ZNF558: variants seen among roughly 807,000 people sequenced by gnomAD.
ZNF558 encodes zinc finger protein 558.
ZNF558 carries 23 observed loss-of-function variants against 37.6 expected under a neutral mutation model. The ratio of observed to expected loss-of-function variants is 0.61; its 90% confidence interval spans 0.44 to 0.87. The LOEUF (loss-of-function observed/expected upper bound fraction) is 0.87, where lower values mean the gene tolerates loss of function less well. Among genes scored for constraint, ZNF558 ranks in the 40% least tolerant of loss-of-function variants. The pLI is 0.00. For missense variants in ZNF558, 429 were observed against 483.7 expected, an observed-to-expected ratio of 0.89 and a Z score of 1.06; for synonymous variants, 189 against 174.4, an observed-to-expected ratio of 1.08 and a Z score of -0.66.
upstream of ZNF558, among the ~76,000 whole-genome samples, chr19:8,833,709 T>C (rs1411923262): frequency 1.3e-5 from 2 of 152,152 alleles, no homozygotes; most frequent in South Asian, 2.1e-4. Context: ...TAAGTGCTGG[T>C]TGGACCTGGT....
chr19:8,809,364 C>T lies in ZNF558; in HGVS notation c.*1917G>A, dbSNP rs1323773525. The T allele has an allele frequency of 3.3e-5, 5 of 152,158 alleles. No individual in the cohort carries two copies. Among genetic ancestry groups the T allele is most frequent in the Admixed American group, 2.0e-4 (3 of 15,262 alleles). 9.4% of individuals were successfully genotyped at this position (152,158 alleles called of 1,614,324 possible). On this transcript the variant is annotated 3_prime_UTR_variant, in exon 10 of 10. Transcript: ENST00000601372. ...ATTGCCAGGGGAGTGCGAAAAAACCCGCCTGGGCTTCAGGAAAAACTATAA... is the reference window on the plus strand; with the variant it reads ...ATTGCCAGGGGAGTGCGAAAAAACCTGCCTGGGCTTCAGGAAAAACTATAA...
upstream of ZNF558, among the ~76,000 whole-genome samples, chr19:8,837,091 C>T (rs901440809): frequency 6.6e-6 from 1 of 152,100 alleles, no homozygotes; most frequent in Non-Finnish European, 1.5e-5. Flanking sequence ...TTTTAAATGG[C>T]CAGTTTGTCA....
chr19:8,828,545 T>C (rs945711815), intron 2 of ZNF558, among the ~76,000 whole-genome samples: 7 of 152,240 alleles, frequency 4.6e-5, no homozygotes, highest in African/African-American at 1.4e-4. Flanking sequence ...AATCTACCTA[T>C]GACAAGCTCC....
upstream of ZNF558, among the ~76,000 whole-genome samples, chr19:8,835,831 T>C (rs969628789): frequency 2.0e-5 from 3 of 152,256 alleles, no homozygotes; most frequent in Non-Finnish European, 4.4e-5. Context: ...CACAACGGAT[T>C]ATTATTCATC....
chr19:8,809,597 C>T lies in ZNF558; in HGVS notation c.*1684G>A, dbSNP rs782321706. 3.3e-5 allele frequency: 5 copies of T among 152,076 alleles called. No homozygotes were observed. Among genetic ancestry groups the T allele is most frequent in the Non-Finnish European group, 5.9e-5 (4 of 68,020 alleles). The allele number at this position is 152,076 out of a possible 1,614,324, so 9.4% of individuals were successfully genotyped here. A position where few individuals can be genotyped will look rare whatever the true frequency, so the allele number is the denominator to read the frequency against. On this transcript the variant is annotated 3_prime_UTR_variant, in exon 10 of 10. Coordinates refer to ENST00000601372, the MANE Select transcript of ZNF558 (RefSeq NM_144693.3). ...AAAATGTGTTTATAAATACTAATTT[C>T]CATTATGATAAACTGAATCACTCAG...
intron 2 of ZNF558, among the ~76,000 whole-genome samples, chr19:8,827,093 C>T (rs2044249238): frequency 6.6e-6 from 1 of 150,630 alleles, no homozygotes; most frequent in Non-Finnish European, 1.5e-5. Flanking sequence ...AGTCCCTATT[C>T]AAGGCTGTCT....
intron 4 of ZNF558, among the ~76,000 whole-genome samples, chr19:8,823,198 C>T (rs1020604746): frequency 6.6e-6 from 1 of 152,044 alleles, no homozygotes; most frequent in African/African-American, 2.4e-5. Flanking sequence ...CCTTGGTCAT[C>T]ACCGGGCACT....
At chr19:8,832,529 T>C (rs970732437), upstream of ZNF558, 1 of 153,058 alleles carries the variant, frequency 6.5e-6, no homozygotes, top group African/African-American at 2.4e-5. Flanking sequence ...GGGGGTAAGG[T>C]TGGCCCTGGG....
chr19:8,832,827 TTGTGACAGCCCTGGAGGTTGGGGCTGGC>T, upstream of ZNF558, among the ~76,000 whole-genome samples: 1 of 150,556 alleles, frequency 6.6e-6, no homozygotes, highest in South Asian at 2.1e-4. Flanking sequence ...CAGGCTGTGG[TTGTGACAGCCCTGGAGGTTGGGGCTGGC>T]TGTGGGCGGA....
chr19:8,807,920 T>C lies in ZNF558; in HGVS notation c.*3361A>G, dbSNP rs893614611. 1 of 152,218 alleles carries C rather than the reference T, an allele frequency of 6.6e-6. No homozygotes were observed. The highest frequency in any genetic ancestry group is 2.4e-5 in the African/African-American group (1 of 41,462). The allele number at this position is 152,218 out of a possible 1,614,324, so 9.4% of individuals were successfully genotyped here. ...GGGTTCAGATCTTGGCTCTACCATT[T>C]ACCAGTCAGTGAATGCAGGCAAGTA... On this transcript the variant is annotated 3_prime_UTR_variant, in exon 10 of 10. Coordinates refer to ENST00000601372, the MANE Select transcript of ZNF558 (RefSeq NM_144693.3).
the ZNF558 span, among the ~76,000 whole-genome samples, chr19:8,837,650 C>T: frequency 6.6e-6 from 1 of 152,176 alleles, no homozygotes; most frequent in Admixed American, 6.5e-5. Context: ...TCACCCTTCA[C>T]ACTGGCCTCA....
At chr19:8,823,593 C>A (rs2967729) in intron 4 of ZNF558, among the ~76,000 whole-genome samples, 1 of 136,320 alleles carries the variant, frequency 7.3e-6, no homozygotes, top group African/African-American at 2.8e-5. Flanking sequence ...GCCTCAGTCA[C>A]CCCCCTCCTG....
upstream of ZNF558, among the ~76,000 whole-genome samples, chr19:8,834,151 A>C (rs1249596268): frequency 6.6e-6 from 1 of 152,240 alleles, no homozygotes; most frequent in Non-Finnish European, 1.5e-5. Context: ...TTTCAGAAAA[A>C]AATAGTTAGA....
At chr19:8,836,800 A>G (rs898961887), upstream of ZNF558, among the ~76,000 whole-genome samples, 1 of 152,232 alleles carries the variant, frequency 6.6e-6, no homozygotes, top group African/African-American at 2.4e-5. Context: ...GCTTAAGTGT[A>G]TCTTAATTTT....
intron 7 of ZNF558, among the ~76,000 whole-genome samples, chr19:8,820,719 G>A (rs960497791): frequency 1.4e-4 from 21 of 152,158 alleles, no homozygotes; most frequent in East Asian, 1.4e-3. Context: ...CTCGTGATCC[G>A]CCCGCCTCGG....
rs980466560 is a variant in ZNF558 at position 8,810,663 on chromosome 19, C to T, written c.*618G>A. ...GCTGAGGGCTTTTCTTCATTAATTC[C>T]ATGGCAAATTTCCCAGATGCTTCTG... is the stretch of plus-strand genomic sequence containing the variant. On this transcript the variant is annotated 3_prime_UTR_variant, in exon 10 of 10. Transcript: ENST00000601372. 18 of 152,250 alleles carry T rather than the reference C, an allele frequency of 1.2e-4. No individual in the cohort carries two copies. Among genetic ancestry groups the T allele is most frequent in the African/African-American group, 4.3e-4 (18 of 41,444 alleles). The allele number at this position is 152,250 out of a possible 1,614,324, so 9.4% of individuals were successfully genotyped here. A position where few individuals can be genotyped will look rare whatever the true frequency, so the allele number is the denominator to read the frequency against.
Position 8,815,827 on chromosome 19 carries a change from GT to G in ZNF558, c.248-2606del, listed in dbSNP as rs1338740939. Among the ~76,000 whole-genome samples the G allele has an allele frequency of 2.6e-5, 4 of 151,934 alleles. No homozygotes were observed. The East Asian group carries it at 7.7e-4, about 29-fold the overall frequency. ...AGAGAGAGAGAGAGAGAGAATGTGA[GT>G]TTTAAAAAAGATGAACAGAGCCTGA... On this transcript the variant is annotated intron_variant, in intron 7 of 9. Coordinates refer to ENST00000601372, the MANE Select transcript of ZNF558 (RefSeq NM_144693.3).
chr19:8,830,374 G>A (rs2044321908), intron 2 of ZNF558, among the ~76,000 whole-genome samples: 1 of 152,104 alleles, frequency 6.6e-6, no homozygotes, highest in Non-Finnish European at 1.5e-5. Flanking sequence ...GCAAGGTGCA[G>A]AGGACAATCT....
In ZNF558 at chr19:8,811,438, C is replaced by G; in HGVS notation, c.1052G>C (p.Ser351Thr). 2 of 1,613,910 alleles carry G rather than the reference C, an allele frequency of 1.2e-6. No homozygotes were observed. Among genetic ancestry groups the G allele is most frequent in the Non-Finnish European group, 1.7e-6 (2 of 1,179,940 alleles). ...IHTGEKPYEC[S>T]DCGKAFNNLS... Reference sequence around the variant, plus strand: ...ATTATTAAAGGCTTTTCCACAGTCACTGCACTCGTAGGGTTTCTCTCCGGT... The same window carrying G: ...ATTATTAAAGGCTTTTCCACAGTCAGTGCACTCGTAGGGTTTCTCTCCGGT... The change falls in exon 10 of 10, where the codon AGT becomes ACT. Residue 351 changes from serine (S) to threonine (T), a missense_variant. Coordinates refer to ENST00000601372, the MANE Select transcript of ZNF558 (RefSeq NM_144693.3).
Sources: allele counts gnomAD v4.1 joint callset (sites outside exome capture counted in the v4.1 genomes callset), GRCh38; gene constraint gnomAD v4.1.1; transcripts MANE v1.5; gene names NCBI Gene and HGNC (gene_info 2026-07-23, HGNC 2026-07-21).